The following LTN1 variants were observed in gnomAD, a reference collection of about 807,000 sequenced individuals.
LTN1 encodes listerin E3 ubiquitin protein ligase 1, also known as E3 ubiquitin-protein ligase listerin.
In LTN1, 88 loss-of-function variants were observed where a neutral mutation model predicts 201.2. The ratio of observed to expected loss-of-function variants is 0.44; its 90% CI spans 0.37 to 0.52. The LOEUF is 0.52. Ranked by LOEUF, LTN1 falls within the 20% of genes least tolerant of loss-of-function variation. The pLI, the probability that LTN1 is intolerant of heterozygous loss-of-function variation, is 0.00. For synonymous variants in LTN1, 645 were observed against 713.5 expected (o/e 0.90, Z 1.53); for missense variants, 1,752 against 2,038.7 (o/e 0.86, Z 2.71).
In LTN1 at chr21:28,929,168, C is replaced by T. The variant is rs1001493316; in HGVS notation, c.*1280G>A. The stretch of plus-strand genomic sequence containing the variant: ...TCCTCTGACCACATTCATACTATTT[C>T]AATAGTCATTTTACCCAGTAGATGG... On this transcript the variant is annotated 3_prime_UTR_variant, in exon 30 of 30. Transcript: ENST00000361371. The T allele has an allele frequency of 6.6e-6, 1 of 152,518 alleles. No individual in the cohort carries two copies. Among genetic ancestry groups the T allele is most frequent in the African/African-American group, 2.4e-5 (1 of 41,432 alleles). 9.4% of individuals were successfully genotyped at this position (152,518 alleles called of 1,614,324 possible).
At chr21:28,946,030 C>G in intron 20 of LTN1, 79 bp from the exon 21 acceptor site, 1 of 1,440,526 alleles carries the variant, frequency 6.9e-7, no homozygotes, top group Non-Finnish European at 9.5e-7. Flanking sequence ...TTAAATCTTA[C>G]ATACTTATTT....
intron 9 of LTN1, among the ~76,000 whole-genome samples, chr21:28,968,580 A>G (rs1160595519): frequency 6.6e-6 from 1 of 152,106 alleles, no homozygotes; most frequent in East Asian, 1.9e-4. Context: ...AAGATCATAA[A>G]TAGCAACTTC....
chr21:28,935,205 A>C lies in LTN1; in HGVS notation c.4779T>G (p.Ile1593Met), dbSNP rs750951641. 3.7e-6 allele frequency: 6 copies of C among 1,613,540 alleles called. No homozygotes were observed. In the South Asian group the frequency reaches 6.6e-5, roughly 18 times the overall value. The change falls in exon 27 of 30, where the codon ATT becomes ATG. Residue 1593 changes from isoleucine (I) to methionine (M), a missense_variant. This residue lies in a region of LTN1 where 261 missense variants were observed against 350.1 expected (regional missense o/e 0.75). Transcript: ENST00000361371. ...CATACTTGCTTGTAAATCTATCCAC[A>C]ATATTGAAAACACGCTTCTCACTGC... ...WNSSEKRVFN[I>M]VDRFTSKYVS...
intron 17 of LTN1, among the ~76,000 whole-genome samples, chr21:28,952,827 G>T (rs536592368): frequency 8.0e-4 from 122 of 152,288 alleles, no homozygotes; most frequent in Middle Eastern, 3.4e-3. Context: ...TTTCATACCT[G>T]CCTTCCTAAT....
In LTN1 at chr21:28,953,978, C is replaced by G. The variant is rs186530482; in HGVS notation, c.3080-602G>C. 2.0e-3 allele frequency among the ~76,000 whole-genome samples: 298 copies of G among 152,266 alleles called. 3 individuals are homozygous for G. The highest frequency in any genetic ancestry group is 7.0e-3 in the African/African-American group (291 of 41,546). ...ACAGTCACAGCTCCCTTTTATAAAG[C>G]CATGTATAGCTTTTGGAGTCAGAAG... On this transcript the variant is annotated intron_variant, in intron 16 of 29. Coordinates refer to ENST00000361371, the MANE Select transcript of LTN1 (RefSeq NM_015565.3).
chr21:28,988,838 G>A (rs1027899900), intron 1 of LTN1, among the ~76,000 whole-genome samples: 1 of 151,958 alleles, frequency 6.6e-6, no homozygotes, highest in Non-Finnish European at 1.5e-5. Flanking sequence ...GGTGGCACAT[G>A]CCTTTAATCC....
At chr21:28,954,113 T>C (rs2084405778) in intron 16 of LTN1, among the ~76,000 whole-genome samples, 2 of 152,132 alleles carry the variant, frequency 1.3e-5, no homozygotes, top group Admixed American at 1.3e-4. Flanking sequence ...TCGATAAAAT[T>C]AAAGAAATAA....
intron 6 of LTN1, among the ~76,000 whole-genome samples, 192 bp downstream of exon 6, chr21:28,980,922 AAATCT>A: frequency 6.6e-6 from 1 of 152,338 alleles, no homozygotes. Context: ...TGATAATTCT[AAATCT>A]GAGGCCCAAA....
intron 21 of LTN1, 105 bp downstream of exon 21, chr21:28,945,702 G>A (rs2084331526): frequency 2.0e-6 from 2 of 1,024,314 alleles, no homozygotes; most frequent in Non-Finnish European, 2.8e-6. Flanking sequence ...TTATACAAAG[G>A]AACCAATTAC....
intron 18 of LTN1, among the ~76,000 whole-genome samples, chr21:28,949,878 C>T (rs1246164714): frequency 6.6e-6 from 1 of 152,150 alleles, no homozygotes; most frequent in Non-Finnish European, 1.5e-5. Context: ...ATTATTTACT[C>T]ACCACAGTGA....
chr21:28,966,606 C>T lies in LTN1; in HGVS notation c.1885G>A (p.Val629Ile). 2.5e-6 allele frequency: 4 copies of T among 1,614,074 alleles called. No individual in the cohort carries two copies. Among genetic ancestry groups the T allele is most frequent in the Non-Finnish European group, 3.4e-6 (4 of 1,180,016 alleles). ...TLLDSFSSSRVFKMLLGDEKQ... is the reference protein window; with the variant it reads ...TLLDSFSSSRIFKMLLGDEKQ... ...TCATCACCAAGTAGCATTTTAAATA[C>T]TCGGCTTGAAGAAAAGGAGTCAAGC... Residue 629 changes from valine (V) to isoleucine (I), a missense_variant, in exon 10 of 30, where the codon GTA becomes ATA. Val to Ile is a conservative substitution (Grantham distance 29). Coordinates refer to ENST00000361371, the MANE Select transcript of LTN1 (RefSeq NM_015565.3).
chr21:28,986,675 T>C lies in LTN1; in HGVS notation c.246+56A>G. On this transcript the variant is annotated intron_variant, in intron 2 of 29. Transcript: ENST00000361371. The surrounding 1 kb of genome is among the most constrained non-coding windows in gnomAD (Gnocchi z 4.1). ...CTTTACATAAAACATGCTAATGACA[T>C]TTTATTTTAACAAAGGGATTTTCTT... The C allele has an allele frequency of 7.4e-7, 1 of 1,353,232 alleles. No individual in the cohort carries two copies. The highest frequency in any genetic ancestry group is 1.0e-6 in the Non-Finnish European group (1 of 954,446). The allele number at this position is 1,353,232 out of a possible 1,614,324, so 83.8% of individuals were successfully genotyped here.
At chr21:28,954,961 C>A (rs1462680624) in intron 16 of LTN1, among the ~76,000 whole-genome samples, 1 of 152,124 alleles carries the variant, frequency 6.6e-6, no homozygotes, top group African/African-American at 2.4e-5. Context: ...GCTTTCTGCA[C>A]AGCAAAAGAA....
chr21:28,943,267 T>C lies in LTN1; in HGVS notation c.4290A>G (p.Pro1430=), dbSNP rs2084311464. 1.3e-6 allele frequency: 2 copies of C among 1,591,554 alleles called. No homozygotes were observed. Among genetic ancestry groups the C allele is most frequent in the South Asian group, 2.2e-5 (2 of 89,118 alleles). The part of the protein sequence containing the change: ...LKSYGDEEEE[P]ALSPPAALMS... ...ATTATTTAAAAAAACCTTACAAGGC[T>C]GGCTCTTCTTCTTCATCTCCGTATG... is the stretch of plus-strand genomic sequence containing the variant. The change falls in exon 24 of 30, where the codon CCA becomes CCG. Residue 1430 remains proline (P), a synonymous_variant. Transcript: ENST00000361371.
chr21:28,950,641 G>C (rs8127984), intron 18 of LTN1, among the ~76,000 whole-genome samples: 33,751 of 151,848 alleles, frequency 0.22, 4,216 homozygotes, highest in South Asian at 0.28. Context: ...TCAGCCTCCT[G>C]AGTAGCTGCA....
At position 28,941,400 on chromosome 21, in the gene LTN1, T is replaced by C. The variant is rs754449493; in HGVS notation, c.4302A>G (p.Pro1434=). The C allele has an allele frequency of 6.2e-7, 1 of 1,606,220 alleles. No homozygotes were observed. The highest frequency in any genetic ancestry group is 1.1e-5 in the South Asian group (1 of 89,164). ...GDEEEEPALS[P]PAALMSLLSI... ...TAAGAAGAGACATCAGTGCTGCTGG[T>C]GGTGACCTAAGAATCAATGATTAAA... is the stretch of plus-strand genomic sequence containing the variant. The change falls in exon 25 of 30, where the codon CCA becomes CCG. Residue 1434 remains proline (P), a synonymous_variant. Coordinates refer to ENST00000361371, the MANE Select transcript of LTN1 (RefSeq NM_015565.3).
chr21:28,934,820 A>C (rs1044588456), intron 27 of LTN1, among the ~76,000 whole-genome samples: 3 of 152,214 alleles, frequency 2.0e-5, no homozygotes, highest in African/African-American at 7.2e-5. Context: ...GAATAGACTA[A>C]TACAGTGTGT....
intron 6 of LTN1, among the ~76,000 whole-genome samples, chr21:28,978,986 A>T (rs1479584577): frequency 6.6e-6 from 1 of 152,240 alleles, no homozygotes; most frequent in Non-Finnish European, 1.5e-5. Context: ...CTAGAATACA[A>T]GGTTATGTAG....
intron 1 of LTN1, among the ~76,000 whole-genome samples, chr21:28,990,213 C>G (rs995246343): frequency 2.6e-5 from 4 of 152,110 alleles, no homozygotes; most frequent in African/African-American, 9.7e-5. Flanking sequence ...GTGTCTGTAT[C>G]ATCAAACTAA....
Sources: gnomAD v4.1 joint callset for allele counts (sites outside exome capture counted in the v4.1 genomes callset) on GRCh38, gnomAD v4.1.1 for gene constraint, gnomAD v4.1.1 regional missense constraint, Gnocchi (gnomAD v3.1) non-coding constraint, MANE v1.5 for transcripts, NCBI Gene and HGNC (gene_info 2026-07-23, HGNC 2026-07-21) for gene names.